The following SAMMSON variants were observed in gnomAD, a reference collection of about 807,000 sequenced individuals.
SAMMSON encodes the protein long intergenic non-protein coding RNA 1212.
chr3:70,124,557 A>T (rs181919396), intron 4 of SAMMSON, among the ~76,000 whole-genome samples: 27 of 152,292 alleles, frequency 1.8e-4, no homozygotes, highest in African/African-American at 5.5e-4. Context: ...TCACGCCTGT[A>T]ATCCCAGCAC....
At chr3:70,048,732 A>G (rs2067135895) in intron 3 of SAMMSON, among the ~76,000 whole-genome samples, 1 of 152,140 alleles carries the variant, frequency 6.6e-6, no homozygotes, top group African/African-American at 2.4e-5. Context: ...ACACTATTCT[A>G]ATCACTATGT....
Position 70,336,313 on chromosome 3 carries a change from T to TA in SAMMSON, n.740-17861dup, listed in dbSNP as rs549375776. Among the ~76,000 whole-genome samples the TA allele has an allele frequency of 1.8e-4, 27 of 152,148 alleles. No homozygotes were observed. In the East Asian group the frequency reaches 4.6e-3, roughly 26 times the overall value. On this transcript the variant is annotated intron_variant and non_coding_transcript_variant, in intron 7 of 9. Coordinates refer to ENST00000642114, the Ensembl canonical transcript of SAMMSON. ...GGCAAGGACTGATTTGAGGGCATTATATAATTTTAATATAGTTTCTTTGGA... is the reference window on the plus strand; with the variant it reads ...GGCAAGGACTGATTTGAGGGCATTATAATAATTTTAATATAGTTTCTTTGGA...
intron 4 of SAMMSON, among the ~76,000 whole-genome samples, chr3:70,161,826 T>C (rs1181683572): frequency 6.6e-6 from 1 of 151,832 alleles, no homozygotes; most frequent in East Asian, 1.9e-4. Context: ...ATTAAATTAT[T>C]TTCTTTATTT....
chr3:70,366,001 T>TTTTC (rs1362861416), intron 9 of SAMMSON, among the ~76,000 whole-genome samples: 1 of 21,770 alleles, frequency 4.6e-5, no homozygotes, highest in African/African-American at 1.7e-4. Flanking sequence ...TTTTTTTTTT[T>TTTTC]GAGACGGAGT....
chr3:70,236,249 T>A (rs1701607730), intron 4 of SAMMSON, among the ~76,000 whole-genome samples: 2 of 152,174 alleles, frequency 1.3e-5, no homozygotes, highest in African/African-American at 4.8e-5. Flanking sequence ...TTTAGACACT[T>A]CCCAAAATAA....
chr3:70,229,042 C>T (rs576698433), intron 4 of SAMMSON, among the ~76,000 whole-genome samples: 186 of 152,262 alleles, frequency 1.2e-3, no homozygotes, highest in African/African-American at 4.2e-3. Flanking sequence ...CCCACTTAGC[C>T]TCCACAGCTA....
chr3:70,197,977 TG>T, intron 4 of SAMMSON, among the ~76,000 whole-genome samples: 1 of 152,244 alleles, frequency 6.6e-6, no homozygotes, highest in South Asian at 2.1e-4. Flanking sequence ...ACAGCTGTGA[TG>T]GGTTATAGAT....
At chr3:70,315,978 A>G (rs1337312849) in intron 7 of SAMMSON, among the ~76,000 whole-genome samples, 1 of 152,174 alleles carries the variant, frequency 6.6e-6, no homozygotes, top group East Asian at 1.9e-4. Flanking sequence ...TCAAGGCTCA[A>G]GGTTTCTTCT....
downstream of SAMMSON, among the ~76,000 whole-genome samples, chr3:70,394,601 TG>T (rs1300060261): frequency 5.3e-5 from 8 of 152,124 alleles, no homozygotes; most frequent in Non-Finnish European, 7.4e-5. Context: ...TAGACATGGA[TG>T]GGTAATGGTT....
chr3:70,401,664 G>A (rs372965698), intron 2 of SAMMSON, among the ~76,000 whole-genome samples: 13 of 151,448 alleles, frequency 8.6e-5, no homozygotes, highest in African/African-American at 2.4e-4. Flanking sequence ...AAACATTATT[G>A]AAAGTGTGGT....
intron 4 of SAMMSON, among the ~76,000 whole-genome samples, chr3:70,156,546 A>G (rs2067592988): frequency 6.6e-6 from 1 of 152,084 alleles, no homozygotes; most frequent in Non-Finnish European, 1.5e-5. Context: ...AAAAGTGAAG[A>G]TCTTATCAAA....
chr3:70,311,814 C>A, intron 7 of SAMMSON: 1 of 394,860 alleles, frequency 2.5e-6, no homozygotes, highest in East Asian at 3.6e-5. Context: ...CTCCTTCTCC[C>A]ACACTATTCC....
At chr3:70,314,824 T>C (rs1702484580) in intron 7 of SAMMSON, among the ~76,000 whole-genome samples, 1 of 152,198 alleles carries the variant, frequency 6.6e-6, no homozygotes. Flanking sequence ...AATCCATTCC[T>C]ACCCACAAAC....
chr3:70,403,405 T>A (rs1322514347), intron 2 of SAMMSON, among the ~76,000 whole-genome samples: 1 of 152,172 alleles, frequency 6.6e-6, no homozygotes, highest in Non-Finnish European at 1.5e-5. Flanking sequence ...AAGAGATGGA[T>A]GTTCATGTTT....
intron 4 of SAMMSON, chr3:70,075,319 A>G (rs1387104259): frequency 6.6e-6 from 1 of 152,162 alleles, no homozygotes; most frequent in Admixed American, 6.6e-5. Context: ...CCCAGTCTTC[A>G]TATCAATATT....
At chr3:70,291,679 C>T (rs1702241057) in intron 7 of SAMMSON, among the ~76,000 whole-genome samples, 2 of 152,232 alleles carry the variant, frequency 1.3e-5, no homozygotes, top group Non-Finnish European at 2.9e-5. Flanking sequence ...AGCTTTTTCC[C>T]ACTCAGAATC....
At chr3:70,425,645 C>T (rs1272929769) in intron 2 of SAMMSON, among the ~76,000 whole-genome samples, 1 of 151,908 alleles carries the variant, frequency 6.6e-6, no homozygotes, top group Non-Finnish European at 1.5e-5. Flanking sequence ...GATCTACTGA[C>T]CTCATGATCC....
At chr3:70,377,385 A>G (rs1042106089) in intron 9 of SAMMSON, among the ~76,000 whole-genome samples, 2 of 152,154 alleles carry the variant, frequency 1.3e-5, no homozygotes, top group African/African-American at 4.8e-5. Flanking sequence ...TACTTTAATT[A>G]GTAGAGGAAG....
chr3:70,340,096 C>A (rs1434253186), intron 7 of SAMMSON, among the ~76,000 whole-genome samples: 6 of 151,880 alleles, frequency 4.0e-5, no homozygotes, highest in Non-Finnish European at 7.4e-5. Context: ...GAGTTCATGT[C>A]CTTTGTAGGG....
Sources: allele counts gnomAD v4.1 joint callset (sites outside exome capture counted in the v4.1 genomes callset), GRCh38; gene constraint gnomAD v4.1.1; transcripts MANE v1.5; gene names NCBI Gene and HGNC (gene_info 2026-07-23, HGNC 2026-07-21).